FAF1: variants seen among roughly 807,000 people sequenced by gnomAD.
FAF1 encodes FAS-associated factor 1.
In FAF1, 25 loss-of-function variants were observed where a neutral mutation model predicts 92.5. The ratio of observed to expected loss-of-function variants is 0.27; its 90% CI spans 0.20 to 0.38. The LOEUF (loss-of-function observed/expected upper bound fraction) is 0.38, where lower values mean the gene tolerates loss of function less well. Among genes scored for constraint, FAF1 ranks in the 10% least tolerant of loss-of-function variants. The probability of loss-of-function intolerance (pLI) is 1.00; values close to 1 mark genes in which losing one functional copy is unlikely to be tolerated. For missense variants in FAF1, 636 were observed against 793.3 expected (o/e 0.80, Z 2.38); for synonymous variants, 234 against 273.2 (o/e 0.86, Z 1.42).
intron 12 of FAF1, among the ~76,000 whole-genome samples, chr1:50,577,143 T>C (rs1351586431): frequency 6.6e-6 from 1 of 152,220 alleles, no homozygotes; most frequent in Non-Finnish European, 1.5e-5. Context: ...TTGCCTTTAC[T>C]TTTGTTCTTC....
chr1:50,580,944 G>C (rs189484780), intron 12 of FAF1, among the ~76,000 whole-genome samples: 2 of 152,192 alleles, frequency 1.3e-5, no homozygotes, highest in East Asian at 3.9e-4. Context: ...GCTAATTTTT[G>C]TATGATTTTT....
At chr1:50,827,026 C>CAT (rs1644106140) in intron 2 of FAF1, among the ~76,000 whole-genome samples, 3 of 150,024 alleles carry the variant, frequency 2.0e-5, no homozygotes, top group Admixed American at 6.6e-5. Flanking sequence ...CCCGGCCGCC[C>CAT]CGTCTGGGAG....
chr1:50,847,597 C>CA (rs1440032437), intron 2 of FAF1, among the ~76,000 whole-genome samples: 1 of 151,340 alleles, frequency 6.6e-6, no homozygotes, highest in Non-Finnish European at 1.5e-5. Flanking sequence ...AGCTGTAGAA[C>CA]AAAAAACAAA....
At chr1:50,881,322 G>C (rs1362542176) in intron 1 of FAF1, among the ~76,000 whole-genome samples, 6 of 152,162 alleles carry the variant, frequency 3.9e-5, no homozygotes. Flanking sequence ...CTCTGGCACA[G>C]AAATATTTTT....
At chr1:50,451,139 C>T (rs1646289066) in intron 18 of FAF1, among the ~76,000 whole-genome samples, 1 of 152,084 alleles carries the variant, frequency 6.6e-6, no homozygotes, top group Non-Finnish European at 1.5e-5. Context: ...GGCTGCAAAG[C>T]ATAGGTGTCG....
At position 50,888,008 on chromosome 1, in the gene FAF1, G is replaced by A. The variant is rs187241912; in HGVS notation, c.46-30011C>T. 1.4e-3 allele frequency among the ~76,000 whole-genome samples: 219 copies of A among 152,324 alleles called. 1 individual carries two copies. Among genetic ancestry groups the A allele is most frequent in the Non-Finnish European group, 2.4e-3 (160 of 68,032 alleles). ...CACGATATTGATTCTTCCTATCCAT[G>A]AGCATGGAATGTTCTTCCATTTGTT... is the stretch of plus-strand genomic sequence containing the variant. On this transcript the variant is annotated intron_variant, in intron 1 of 18. Coordinates refer to ENST00000396153, the MANE Select transcript of FAF1 (RefSeq NM_007051.3).
chr1:50,619,755 G>T (rs1653101413), intron 8 of FAF1, among the ~76,000 whole-genome samples: 1 of 152,000 alleles, frequency 6.6e-6, no homozygotes. Context: ...TCTAACCAGG[G>T]TTCTCTGTAT....
In FAF1 at chr1:50,567,528, C is replaced by T. The variant is rs116790443; in HGVS notation, c.1114-297G>A. 4.5e-3 allele frequency among the ~76,000 whole-genome samples: 691 copies of T among 152,010 alleles called. 5 individuals are homozygous for T. Among genetic ancestry groups the T allele is most frequent in the African/African-American group, 0.014 (567 of 41,514 alleles). ...GAAGTTGCAAAGGAATTGTATTTTG[C>T]TTAAAGGAAATGGATTTACTATTCT... On this transcript the variant is annotated intron_variant, in intron 12 of 18. Coordinates refer to ENST00000396153, the MANE Select transcript of FAF1 (RefSeq NM_007051.3).
chr1:50,675,318 T>G (rs908660216), intron 7 of FAF1, among the ~76,000 whole-genome samples: 1 of 152,226 alleles, frequency 6.6e-6, no homozygotes, highest in African/African-American at 2.4e-5. Context: ...TGGCAGTCAC[T>G]AGAGCAGCAG....
At chr1:50,758,509 A>G (rs1469434122) in intron 4 of FAF1, among the ~76,000 whole-genome samples, 2 of 152,226 alleles carry the variant, frequency 1.3e-5, no homozygotes, top group Non-Finnish European at 2.9e-5. Context: ...CATTGCTATA[A>G]TTTCTACTTT....
chr1:50,490,489 GGAAA>G (rs1287823511), intron 17 of FAF1, 95 bp downstream of exon 17: 2 of 609,616 alleles, frequency 3.3e-6, no homozygotes, highest in Non-Finnish European at 5.9e-6. Context: ...AAGGAAGGAA[GGAAA>G]GGAAGGAAGG....
Position 50,527,868 on chromosome 1 carries a change from C to CCTCTCTCTCT in FAF1, c.1494+7491_1494+7500dup, listed in dbSNP as rs1332650562. 9.4e-4 allele frequency among the ~76,000 whole-genome samples: 54 copies of CCTCTCTCTCT among 57,174 alleles called. 1 individual carries two copies. The highest frequency in any genetic ancestry group is 5.2e-3 in the African/African-American group (46 of 8,844). 37.5% of individuals were successfully genotyped at this position (57,174 alleles called of 152,430 possible). Reference sequence around the variant, plus strand: ...CCCTCTCTCCCTCTCTCCCTCTCTCCCTCTCTCTCTCTCTCTCTCTCTGAG... The same window carrying CCTCTCTCTCT: ...CCCTCTCTCCCTCTCTCCCTCTCTCCCTCTCTCTCTCTCTCTCTCTCTCTCTCTCTCTGAG... On this transcript the variant is annotated intron_variant, in intron 15 of 18. Coordinates refer to ENST00000396153, the MANE Select transcript of FAF1 (RefSeq NM_007051.3).
At chr1:50,802,721 C>G (rs1021869021) in intron 2 of FAF1, among the ~76,000 whole-genome samples, 6 of 152,122 alleles carry the variant, frequency 3.9e-5, no homozygotes, top group Admixed American at 3.3e-4. Flanking sequence ...AACATAAGCC[C>G]AACTTTTCCA....
At chr1:50,886,493 A>G (rs12059529) in intron 1 of FAF1, among the ~76,000 whole-genome samples, 3,053 of 152,028 alleles carry the variant, frequency 0.02, 101 homozygotes, top group African/African-American at 0.071. Flanking sequence ...CTCGTCATTT[A>G]CACTAGCTAT....
chr1:50,778,848 C>G (rs112594267), intron 4 of FAF1, among the ~76,000 whole-genome samples: 389 of 152,142 alleles, frequency 2.6e-3, no homozygotes, highest in African/African-American at 9.0e-3. Flanking sequence ...GACACACACA[C>G]ACACACACAC....
At chr1:50,603,611 C>T (rs1333739736) in intron 8 of FAF1, among the ~76,000 whole-genome samples, 1 of 152,104 alleles carries the variant, frequency 6.6e-6, no homozygotes, top group African/African-American at 2.4e-5. Flanking sequence ...ATTCACAATC[C>T]GAGGTTTCTT....
intron 6 of FAF1, among the ~76,000 whole-genome samples, chr1:50,716,451 C>A (rs1284318531): frequency 6.6e-6 from 1 of 152,152 alleles, no homozygotes; most frequent in Non-Finnish European, 1.5e-5. Context: ...AGAGGTGAAG[C>A]CAGCTGGACT....
intron 7 of FAF1, among the ~76,000 whole-genome samples, chr1:50,692,243 G>C (rs377270550): frequency 4.9e-3 from 167 of 34,352 alleles, no homozygotes; most frequent in African/African-American, 0.024. Context: ...AGTATTTACT[G>C]TGTGTGTGTG....
intron 18 of FAF1, among the ~76,000 whole-genome samples, chr1:50,475,215 G>A (rs1190724996): frequency 2.6e-5 from 4 of 152,156 alleles, no homozygotes; most frequent in Non-Finnish European, 5.9e-5. Flanking sequence ...GCTGGAATAG[G>A]GAAAACAGCT....
Sources: gnomAD v4.1 joint callset for allele counts (sites outside exome capture counted in the v4.1 genomes callset) on GRCh38, gnomAD v4.1.1 for gene constraint, MANE v1.5 for transcripts, NCBI Gene and HGNC (gene_info 2026-07-23, HGNC 2026-07-21) for gene names.